Variants in TMEM255B observed in about 807,000 individuals in gnomAD.
TMEM255B encodes the protein family with sequence similarity 70, member B.
In TMEM255B, 35 loss-of-function variants were observed where a neutral mutation model predicts 34.5. That is an observed-to-expected ratio of 1.01 (90% CI 0.77 to 1.34). TMEM255B has a LOEUF of 1.34. Ranked by LOEUF, TMEM255B falls within the 40% of genes most tolerant of loss-of-function variation. The pLI is 0.00. For missense variants in TMEM255B, 432 were observed against 433.2 expected (o/e 1.00, Z 0.02); for synonymous variants, 206 against 201.2 (o/e 1.02, Z -0.20).
chr13:113,794,483 C>T (rs1435417610), intron 3 of TMEM255B, among the ~76,000 whole-genome samples: 3 of 152,100 alleles, frequency 2.0e-5, no homozygotes, highest in East Asian at 1.9e-4. Context: ...CAGTTTTCAG[C>T]GGCCATTCAG....
At position 113,812,083 on chromosome 13, in the gene TMEM255B, G is replaced by A. The variant is rs2051323682; in HGVS notation, c.*180G>A. The A allele has an allele frequency of 2.6e-6, 2 of 778,440 alleles. No individual in the cohort carries two copies. Among genetic ancestry groups the A allele is most frequent in the Non-Finnish European group, 4.0e-6 (2 of 501,046 alleles). The allele number at this position is 778,440 out of a possible 1,614,324, so 48.2% of individuals were successfully genotyped here. A position where few individuals can be genotyped will look rare whatever the true frequency, so the allele number is the denominator to read the frequency against. On this transcript the variant is annotated 3_prime_UTR_variant, in exon 9 of 9. Coordinates refer to ENST00000375353, the MANE Select transcript of TMEM255B (RefSeq NM_182614.4). ...GAGGCTGGAACCAGGCAGGGAGTGG[G>A]GCCCTCCAGACCCAGGCTGGTGACA... is the stretch of plus-strand genomic sequence containing the variant.
intron 3 of TMEM255B, among the ~76,000 whole-genome samples, chr13:113,777,199 C>G (rs9604522): frequency 6.6e-6 from 1 of 152,110 alleles, no homozygotes; most frequent in Non-Finnish European, 1.5e-5. Context: ...ACCGGAGCCT[C>G]GGCATCTGTT....
chr13:113,793,095 G>A (rs2050858460), intron 3 of TMEM255B, among the ~76,000 whole-genome samples: 1 of 152,260 alleles, frequency 6.6e-6, no homozygotes, highest in Non-Finnish European at 1.5e-5. Context: ...CAGCTTGCCA[G>A]CTCTGCTCTG....
In TMEM255B at chr13:113,816,935, A is replaced by T. The variant is rs2051407855; in HGVS notation, c.*5032A>T. The T allele has an allele frequency of 6.6e-6, 1 of 152,054 alleles. No individual in the cohort carries two copies. Among genetic ancestry groups the T allele is most frequent in the Non-Finnish European group, 1.5e-5 (1 of 68,014 alleles). The allele number at this position is 152,054 out of a possible 1,614,324, so 9.4% of individuals were successfully genotyped here. On this transcript the variant is annotated 3_prime_UTR_variant, in exon 9 of 9. Coordinates refer to ENST00000375353, the MANE Select transcript of TMEM255B (RefSeq NM_182614.4). ...TCTCCTACAAATGGGCTGTGCTGGG[A>T]TTAGCCCGGCTGTACATTTGCTTTA...
chr13:113,776,668 G>T (rs970387823), intron 3 of TMEM255B, among the ~76,000 whole-genome samples: 2 of 152,228 alleles, frequency 1.3e-5, no homozygotes, highest in South Asian at 4.1e-4. Flanking sequence ...AGGGGCTGGG[G>T]TGCAGCCTCC....
At chr13:113,792,634 T>G in intron 3 of TMEM255B, among the ~76,000 whole-genome samples, 1 of 152,256 alleles carries the variant, frequency 6.6e-6, no homozygotes, top group African/African-American at 2.4e-5. Flanking sequence ...ACCTCCCTCA[T>G]CTGTCTGTTC....
chr13:113,795,096 G>T, intron 3 of TMEM255B, 52 bp from the exon 4 acceptor site: 2 of 1,577,314 alleles, frequency 1.3e-6, no homozygotes, highest in South Asian at 1.1e-5. Flanking sequence ...GTTTGCGTTT[G>T]AAAACCGGGG....
In TMEM255B at chr13:113,816,316, CGAG is replaced by C. The variant is rs1222785551; in HGVS notation, c.*4414_*4416del. On this transcript the variant is annotated 3_prime_UTR_variant, in exon 9 of 9. Coordinates refer to ENST00000375353, the MANE Select transcript of TMEM255B (RefSeq NM_182614.4). ...GAGGTGCAGTCACTGGTCAGGGACA[CGAG>C]TTCTTGTGGGAAGAGGAGTGTCCGG... 14 of 127,274 alleles carry C rather than the reference CGAG, an allele frequency of 1.1e-4. No individual in the cohort carries two copies. The highest frequency in any genetic ancestry group is 1.9e-4 in the South Asian group (1 of 5,170). 7.9% of individuals were successfully genotyped at this position (127,274 alleles called of 1,614,324 possible). A position where few individuals can be genotyped will look rare whatever the true frequency, so the allele number is the denominator to read the frequency against.
At chr13:113,784,952 AG>A (rs1348899736) in intron 3 of TMEM255B, among the ~76,000 whole-genome samples, 2 of 151,956 alleles carry the variant, frequency 1.3e-5, no homozygotes, top group Admixed American at 6.6e-5. Context: ...TTTATTTTGG[AG>A]AATAAACCTG....
chr13:113,806,899 C>T lies in TMEM255B; in HGVS notation c.813+1871C>T, dbSNP rs951273382. Reference sequence around the variant, plus strand: ...TGCAGGTGCTCCCCAAGCGGCTCTACACAGACACAGACTTGGAATCGCATG... The same window carrying T: ...TGCAGGTGCTCCCCAAGCGGCTCTATACAGACACAGACTTGGAATCGCATG... On this transcript the variant is annotated intron_variant, in intron 8 of 8. Coordinates refer to ENST00000375353, the MANE Select transcript of TMEM255B (RefSeq NM_182614.4). The surrounding 1 kb of genome is among the most constrained non-coding windows in gnomAD (Gnocchi z 4.2). Among the ~76,000 whole-genome samples, 37 of 152,282 alleles carry T rather than the reference C, an allele frequency of 2.4e-4. No individual in the cohort carries two copies. The highest frequency in any genetic ancestry group is 8.9e-4 in the African/African-American group (37 of 41,556).
chr13:113,792,179 T>C (rs542890067), intron 3 of TMEM255B, among the ~76,000 whole-genome samples: 112 of 152,418 alleles, frequency 7.3e-4, no homozygotes, highest in African/African-American at 2.6e-3. Context: ...TAATGTATTT[T>C]ACGTATTTAT....
chr13:113,786,485 G>A (rs1477942675), intron 3 of TMEM255B, among the ~76,000 whole-genome samples: 1 of 149,320 alleles, frequency 6.7e-6, no homozygotes, highest in Non-Finnish European at 1.5e-5. Context: ...CACCATCACT[G>A]TTGTCACCAT....
intron 1 of TMEM255B, chr13:113,761,374 A>C (rs61966748): frequency 0.89 from 879,800 of 985,116 alleles, 393,392 homozygotes; most frequent in African/African-American, 0.98. Flanking sequence ...GCACAGGCTC[A>C]TGTGGTTCAG....
At chr13:113,776,154 A>G (rs2050574159) in intron 3 of TMEM255B, among the ~76,000 whole-genome samples, 1 of 152,056 alleles carries the variant, frequency 6.6e-6, no homozygotes, top group African/African-American at 2.4e-5. Context: ...CTGCTCAAAG[A>G]TGCTGCCACC....
rs990017181 is a variant in TMEM255B, at chr13:113,796,697, C to T, written c.342+1460C>T. Among the ~76,000 whole-genome samples the T allele has an allele frequency of 3.3e-5, 5 of 152,362 alleles. 1 individual carries two copies. The South Asian group carries it at 8.3e-4, about 25-fold the overall frequency. The stretch of plus-strand genomic sequence containing the variant: ...ATCCCCCCTCCTCCCTGGCTGGGCT[C>T]CTGGGTGGGCTCTCGCCATCTGGGC... On this transcript the variant is annotated intron_variant, in intron 4 of 8. Coordinates refer to ENST00000375353, the MANE Select transcript of TMEM255B (RefSeq NM_182614.4).
At chr13:113,759,354 G>T (rs2050253921) in intron 1 of TMEM255B, 39 bp downstream of exon 1, 10 of 1,228,948 alleles carry the variant, frequency 8.1e-6, no homozygotes, top group Non-Finnish European at 9.1e-6. Context: ...GCTCCTGCGG[G>T]GGAGCGTGGG....
chr13:113,798,560 TGATG>T (rs1276852763), intron 4 of TMEM255B, among the ~76,000 whole-genome samples: 6 of 147,494 alleles, frequency 4.1e-5, no homozygotes, highest in Middle Eastern at 3.8e-3. Flanking sequence ...GAAGGATGGA[TGATG>T]GATGGATACA....
chr13:113,791,575 G>C (rs2050832757), intron 3 of TMEM255B, among the ~76,000 whole-genome samples: 1 of 152,222 alleles, frequency 6.6e-6, no homozygotes, highest in Non-Finnish European at 1.5e-5. Flanking sequence ...GAGCAGGGAA[G>C]GGGTGCTTGT....
In TMEM255B at chr13:113,811,985, A is replaced by C; in HGVS notation, c.*82A>C. On this transcript the variant is annotated 3_prime_UTR_variant, in exon 9 of 9. Transcript: ENST00000375353. The stretch of plus-strand genomic sequence containing the variant: ...CTCTAGAAATCCCGCTTCTGTGGCC[A>C]ACCTCCTAGAGAACCCGGGAGAATG... The C allele has an allele frequency of 6.8e-7, 1 of 1,468,504 alleles. No individual in the cohort carries two copies. The highest frequency in any genetic ancestry group is 2.3e-5 in the East Asian group (1 of 43,822). 91.0% of individuals were successfully genotyped at this position (1,468,504 alleles called of 1,614,324 possible). A position where few individuals can be genotyped will look rare whatever the true frequency, so the allele number is the denominator to read the frequency against.
Sources: allele counts gnomAD v4.1 joint callset (sites outside exome capture counted in the v4.1 genomes callset), GRCh38; gene constraint gnomAD v4.1.1; non-coding constraint Gnocchi (gnomAD v3.1); transcripts MANE v1.5; gene names NCBI Gene and HGNC (gene_info 2026-07-23, HGNC 2026-07-21).